INTS14: variants seen among roughly 807,000 people sequenced by gnomAD.
INTS14 encodes integrator complex subunit 14.
INTS14 carries 27 observed loss-of-function variants against 56.9 expected under a neutral mutation model. That is an observed-to-expected ratio of 0.47 (90% CI 0.35 to 0.65). The LOEUF (loss-of-function observed/expected upper bound fraction) is 0.65, where lower values mean the gene tolerates loss of function less well. Among genes scored for constraint, INTS14 ranks in the 30% least tolerant of loss-of-function variants. The pLI, the probability that INTS14 is intolerant of heterozygous loss-of-function variation, is 0.00. For synonymous variants in INTS14, 207 were observed against 236.2 expected, an observed-to-expected ratio of 0.88 and a Z score of 1.13; for missense variants, 517 against 632.2, an observed-to-expected ratio of 0.82 and a Z score of 1.95.
Position 65,598,897 on chromosome 15 carries a change from AGCACAGGGG to A in INTS14, c.571_579del (p.Pro191_Cys193del), listed in dbSNP as rs1248301012. 1.9e-6 allele frequency: 3 copies of A among 1,613,878 alleles called. No individual in the cohort carries two copies. Among genetic ancestry groups the A allele is most frequent in the Non-Finnish European group, 2.5e-6 (3 of 1,179,842 alleles). On this transcript the variant is annotated inframe_deletion, in exon 5 of 12. Coordinates refer to ENST00000313182, the MANE Select transcript of INTS14 (RefSeq NM_001394796.1). ...CCAAACATAGACTGTACATTCTTCA[AGCACAGGGG>A]GCCATCAATAGTAAAAATCTGCCCT...
chr15:65,581,894 C>G, intron 11 of INTS14, 60 bp downstream of exon 11: 1 of 1,550,828 alleles, frequency 6.4e-7, no homozygotes, highest in Non-Finnish European at 8.8e-7. Context: ...ACACTGCCAT[C>G]TCACAGTTTT....
At chr15:65,611,049 C>G in intron 1 of INTS14, 49 bp downstream of exon 1, 1 of 1,535,480 alleles carries the variant, frequency 6.5e-7, no homozygotes, top group East Asian at 2.4e-5. Context: ...CACCTGTAAC[C>G]CCAACAAGCA....
chr15:65,595,675 T>C, intron 7 of INTS14, 58 bp downstream of exon 7: 1 of 1,387,822 alleles, frequency 7.2e-7, no homozygotes, highest in Non-Finnish European at 1.0e-6. Context: ...TATCTAAGAT[T>C]TAAGAACAAC....
intron 1 of INTS14, chr15:65,610,838 T>G (rs899127934): frequency 6.5e-7 from 1 of 1,533,198 alleles, no homozygotes; most frequent in African/African-American, 1.4e-5. Context: ...GAAGTCTCTC[T>G]TGGAAAGAGG....
chr15:65,604,505 G>A (rs1359129964), intron 3 of INTS14, among the ~76,000 whole-genome samples: 1 of 152,122 alleles, frequency 6.6e-6, no homozygotes, highest in African/African-American at 2.4e-5. Flanking sequence ...CGAGGTGGGC[G>A]GATCGCCTGA....
chr15:65,582,091 G>T, intron 10 of INTS14, 72 bp from the exon 11 acceptor site: 1 of 1,294,506 alleles, frequency 7.7e-7, no homozygotes, highest in Non-Finnish European at 1.1e-6. Context: ...TAAAAGAATG[G>T]ATCTAAATGT....
At chr15:65,595,885 A>G (rs79757744) in intron 6 of INTS14, 60 bp from the exon 7 acceptor site, 78,051 of 1,333,448 alleles carry the variant, frequency 0.059, 2,581 homozygotes, top group African/African-American at 0.092. Context: ...ATTATTTTCC[A>G]TGTATTACAT....
At position 65,598,301 on chromosome 15, in the gene INTS14, A is replaced by G; in HGVS notation, c.748+20T>C. 6.2e-7 allele frequency: 1 copy of G among 1,602,582 alleles called. No individual in the cohort carries two copies. Among genetic ancestry groups the G allele is most frequent in the African/African-American group, 1.3e-5 (1 of 74,450 alleles). The stretch of plus-strand genomic sequence containing the variant: ...AAGGATAACAGAGAAACTAAGAAAT[A>G]AGTTTTTTTAAAAAGTTACCTGTGT... On this transcript the variant is annotated intron_variant, in intron 6 of 11. Coordinates refer to ENST00000313182, the MANE Select transcript of INTS14 (RefSeq NM_001394796.1).
chr15:65,602,114 G>A (rs77838028), intron 3 of INTS14, among the ~76,000 whole-genome samples: 80 of 152,140 alleles, frequency 5.3e-4, no homozygotes, highest in African/African-American at 1.9e-3. Flanking sequence ...GCACACTCCT[G>A]CAGTCCCAGC....
intron 8 of INTS14, among the ~76,000 whole-genome samples, chr15:65,592,354 C>G (rs908955535): frequency 6.6e-6 from 1 of 152,102 alleles, no homozygotes. Context: ...CCAGCCAACC[C>G]CAGGTAGTGG....
intron 3 of INTS14, 152 bp from the exon 4 acceptor site, chr15:65,600,081 G>GCAGATC: frequency 1.3e-6 from 1 of 794,942 alleles, no homozygotes; most frequent in East Asian, 2.7e-5. Flanking sequence ...GCCAAGGCAG[G>GCAGATC]ACTGCTTAAG....
intron 1 of INTS14, among the ~76,000 whole-genome samples, chr15:65,608,390 T>C (rs61100598): frequency 7.1e-6 from 1 of 141,028 alleles, no homozygotes; most frequent in Non-Finnish European, 1.5e-5. Flanking sequence ...AAAAAAAAAA[T>C]TTATACAGCT....
rs1283979776 is a variant in INTS14, at chr15:65,611,093, C to A, written c.-63+5G>T. On this transcript the variant is annotated splice_donor_5th_base_variant and intron_variant, in intron 1 of 11. Coordinates refer to ENST00000313182, the MANE Select transcript of INTS14 (RefSeq NM_001394796.1). ...CAGTCCCGGGCCCTCGGCCTCCCCACTCACCCCGTGCCCATCGCCGGACAC... is the reference window on the plus strand; with the variant it reads ...CAGTCCCGGGCCCTCGGCCTCCCCAATCACCCCGTGCCCATCGCCGGACAC... The A allele has an allele frequency of 3.3e-6, 5 of 1,535,744 alleles. No homozygotes were observed. Among genetic ancestry groups the A allele is most frequent in the Non-Finnish European group, 4.4e-6 (5 of 1,146,618 alleles).
intron 9 of INTS14, among the ~76,000 whole-genome samples, chr15:65,586,230 T>C (rs547666482): frequency 1.3e-5 from 2 of 152,232 alleles, no homozygotes; most frequent in Non-Finnish European, 2.9e-5. Context: ...ATGTGCAAGA[T>C]ACTTTACATA....
intron 5 of INTS14, 150 bp downstream of exon 5, chr15:65,598,722 C>T: frequency 1.4e-6 from 1 of 740,500 alleles, no homozygotes; most frequent in Non-Finnish European, 2.2e-6. Context: ...TTTAAAAAAC[C>T]ATTACTACCC....
intron 2 of INTS14, among the ~76,000 whole-genome samples, chr15:65,606,277 A>T (rs1596269207): frequency 1.3e-5 from 2 of 150,908 alleles, no homozygotes; most frequent in East Asian, 3.9e-4. Flanking sequence ...AAAAAATCTG[A>T]GATAATAAAA....
In INTS14 at chr15:65,591,695, G is replaced by C; in HGVS notation, c.1023C>G (p.Asp341Glu). The part of the protein sequence containing the change: ...EWHGMLYSQA[D>E]SKKKSNLMMS... The stretch of plus-strand genomic sequence containing the variant: ...TCATGAGGTTTGATTTCTTCTTGCT[G>C]TCAGCTTGGGAGTAGAGCATTCCAT... The change falls in exon 9 of 12, where the codon GAC becomes GAG. Residue 341 changes from aspartate to glutamate, a missense_variant. Physicochemically the swap from Asp to Glu is conservative, Grantham distance 45 (BLOSUM62 2). Coordinates refer to ENST00000313182, the MANE Select transcript of INTS14 (RefSeq NM_001394796.1). 1 of 1,614,210 alleles carries C rather than the reference G, an allele frequency of 6.2e-7. No homozygotes were observed.
In INTS14 at chr15:65,598,908, C is replaced by A. The variant is rs748670008; in HGVS notation, c.569G>T (p.Gly190Val). 3 of 1,613,828 alleles carry A rather than the reference C, an allele frequency of 1.9e-6. No individual in the cohort carries two copies. The highest frequency in any genetic ancestry group is 2.2e-5 in the East Asian group (1 of 44,854). Residue 190 changes from glycine to valine, a missense_variant, in exon 5 of 12, where the codon GGC (glycine) becomes GTC (valine). By Grantham distance (109) the Gly-to-Val change is moderately radical. Coordinates refer to ENST00000313182, the MANE Select transcript of INTS14 (RefSeq NM_001394796.1). ...CTGTACATTCTTCAAGCACAGGGGG[C>A]CATCAATAGTAAAAATCTGCCCTTC... is the stretch of plus-strand genomic sequence containing the variant. ...NGEGQIFTID[G>V]PLCLKNVQSM...
chr15:65,579,777 A>G, intron 11 of INTS14, 118 bp from the exon 12 acceptor site: 1 of 1,395,664 alleles, frequency 7.2e-7, no homozygotes, highest in Non-Finnish European at 9.5e-7. Context: ...ATTTTATATG[A>G]GAACAAATGT....
Sources: allele counts gnomAD v4.1 joint callset (sites outside exome capture counted in the v4.1 genomes callset), GRCh38; gene constraint gnomAD v4.1.1; transcripts MANE v1.5; gene names NCBI Gene and HGNC (gene_info 2026-07-23, HGNC 2026-07-21).